Variants in NEDD4 observed in about 807,000 individuals in gnomAD.
NEDD4 encodes the protein NEDD4 E3 ubiquitin protein ligase.
A neutral mutation model predicts 144.9 loss-of-function variants in NEDD4; 99 were observed. The observed-to-expected ratio is 0.68, with a 90% CI of 0.58 to 0.81. The LOEUF (loss-of-function observed/expected upper bound fraction) is 0.81, where lower values mean the gene tolerates loss of function less well. NEDD4 is among the 30% of genes least tolerant of loss of function. NEDD4 has a pLI of 0.00. For missense variants in NEDD4, 985 were observed against 1,065.9 expected, an observed-to-expected ratio of 0.92 and a Z score of 1.06; for synonymous variants, 318 against 350.6, an observed-to-expected ratio of 0.91 and a Z score of 1.04.
chr15:55,965,083 A>G (rs1340612037), intron 2 of NEDD4, among the ~76,000 whole-genome samples: 2 of 152,098 alleles, frequency 1.3e-5, no homozygotes, highest in Admixed American at 6.5e-5. Flanking sequence ...TCACCAAATC[A>G]ACCTCTTTTC....
chr15:55,938,969 T>C (rs899786734), intron 4 of NEDD4, among the ~76,000 whole-genome samples: 5 of 151,976 alleles, frequency 3.3e-5, no homozygotes, highest in Non-Finnish European at 7.4e-5. Flanking sequence ...TGGTGGTGCG[T>C]GATGGTGTGC....
At chr15:55,848,077 A>G (rs2033823113) in intron 17 of NEDD4, among the ~76,000 whole-genome samples, 1 of 152,176 alleles carries the variant, frequency 6.6e-6, no homozygotes, top group African/African-American at 2.4e-5. Flanking sequence ...GAGGACTGTC[A>G]TCATTCTTGT....
chr15:55,987,020 A>T (rs1157054460), intron 1 of NEDD4, among the ~76,000 whole-genome samples: 13 of 148,140 alleles, frequency 8.8e-5, no homozygotes, highest in African/African-American at 3.2e-4. Context: ...TGGTATTTCT[A>T]GTTCTAGATC....
At chr15:55,896,340 G>A (rs2035738607) in intron 5 of NEDD4, among the ~76,000 whole-genome samples, 1 of 152,032 alleles carries the variant, frequency 6.6e-6, no homozygotes, top group African/African-American at 2.4e-5. Flanking sequence ...GCACCGGTAT[G>A]CCTGGCTAAT....
intron 5 of NEDD4, among the ~76,000 whole-genome samples, chr15:55,886,368 A>G (rs1460852669): frequency 6.6e-6 from 1 of 152,232 alleles, no homozygotes; most frequent in African/African-American, 2.4e-5. Flanking sequence ...TGTTTAGAGA[A>G]CACTTCATTC....
chr15:55,906,533 C>CA (rs1595826660), intron 5 of NEDD4, among the ~76,000 whole-genome samples: 1 of 143,916 alleles, frequency 6.9e-6, no homozygotes, highest in African/African-American at 2.6e-5. Context: ...ATCGCAGGGA[C>CA]AAAAAACCAA....
intron 4 of NEDD4, among the ~76,000 whole-genome samples, chr15:55,926,594 C>G (rs1002530590): frequency 5.7e-4 from 87 of 151,716 alleles, no homozygotes; most frequent in African/African-American, 1.9e-3. Context: ...ATAGGGAGAC[C>G]ATCTCTACAA....
chr15:55,955,584 C>G (rs2037322435), intron 2 of NEDD4, among the ~76,000 whole-genome samples: 1 of 152,074 alleles, frequency 6.6e-6, no homozygotes, highest in Admixed American at 6.6e-5. Flanking sequence ...CTGTGACTGT[C>G]TTATTTCAGT....
chr15:55,843,799 C>T (rs754044729), intron 18 of NEDD4, among the ~76,000 whole-genome samples: 12 of 152,014 alleles, frequency 7.9e-5, no homozygotes, highest in Non-Finnish European at 1.6e-4. Context: ...AGACTGGATA[C>T]TAGGCAGCTG....
intron 5 of NEDD4, among the ~76,000 whole-genome samples, chr15:55,887,058 A>C (rs925130630): frequency 2.6e-5 from 4 of 151,986 alleles, no homozygotes; most frequent in Non-Finnish European, 5.9e-5. Context: ...AAAAACTTCA[A>C]ATAAACAGCG....
chr15:55,869,889 A>AAATAAATCAATC (rs58734138), intron 7 of NEDD4, among the ~76,000 whole-genome samples: 210 of 149,980 alleles, frequency 1.4e-3, no homozygotes, highest in Middle Eastern at 3.5e-3. Context: ...ATAAATAAAT[A>AAATAAATCAATC]AATAATTGTT....
intron 27 of NEDD4, among the ~76,000 whole-genome samples, chr15:55,831,224 T>C (rs2141954728): frequency 6.6e-6 from 1 of 152,350 alleles, no homozygotes; most frequent in South Asian, 2.1e-4. Context: ...CCAGCCGCCT[T>C]AACATACTTT....
At chr15:55,955,758 C>T (rs1454954514) in intron 2 of NEDD4, among the ~76,000 whole-genome samples, 1 of 151,110 alleles carries the variant, frequency 6.6e-6, no homozygotes, top group Non-Finnish European at 1.5e-5. Flanking sequence ...ACATCTTACA[C>T]ATGTGCATGG....
intron 18 of NEDD4, among the ~76,000 whole-genome samples, chr15:55,845,618 C>T (rs2033707540): frequency 6.6e-6 from 1 of 151,954 alleles, no homozygotes; most frequent in Non-Finnish European, 1.5e-5. Context: ...CAACATGTTT[C>T]AACCACTCAG....
intron 5 of NEDD4, chr15:55,916,292 T>C (rs2036440501): frequency 6.2e-7 from 1 of 1,614,048 alleles, no homozygotes; most frequent in Non-Finnish European, 8.5e-7. Context: ...TGTTAGTATA[T>C]GAACCTCCAC....
intron 4 of NEDD4, among the ~76,000 whole-genome samples, chr15:55,940,251 A>G (rs1483828841): frequency 1.3e-5 from 2 of 152,122 alleles, no homozygotes; most frequent in African/African-American, 4.8e-5. Context: ...TGTTCTTACC[A>G]CAAAAAAGGG....
At chr15:55,894,062 A>G (rs2035659231) in intron 5 of NEDD4, among the ~76,000 whole-genome samples, 1 of 152,090 alleles carries the variant, frequency 6.6e-6, no homozygotes, top group Non-Finnish European at 1.5e-5. Flanking sequence ...GTGCTATAAA[A>G]TCATAGTGCT....
chr15:55,912,599 T>A (rs2036310748), intron 5 of NEDD4, among the ~76,000 whole-genome samples: 1 of 152,026 alleles, frequency 6.6e-6, no homozygotes, highest in South Asian at 2.1e-4. Flanking sequence ...CATAGGAGAT[T>A]TAGAAAACAA....
intron 5 of NEDD4, among the ~76,000 whole-genome samples, chr15:55,918,533 G>GT (rs1215359277): frequency 5.3e-5 from 8 of 151,122 alleles, no homozygotes; most frequent in Non-Finnish European, 1.2e-4. Context: ...TGCTAAGTAA[G>GT]TTTTTTTTCC....
Sources: allele counts gnomAD v4.1 joint callset (sites outside exome capture counted in the v4.1 genomes callset), GRCh38; gene constraint gnomAD v4.1.1; transcripts MANE v1.5; gene names NCBI Gene and HGNC (gene_info 2026-07-23, HGNC 2026-07-21).